B4GALT5: variants seen among roughly 807,000 people sequenced by gnomAD.
B4GALT5 encodes UDP-Gal:beta-GlcNAc beta-1,4-galactosyltransferase 5.
In B4GALT5, 11 loss-of-function variants were observed where a neutral mutation model predicts 45.0. The ratio of observed to expected loss-of-function variants is 0.24; its 90% CI spans 0.15 to 0.40. The LOEUF is 0.40. Among genes scored for constraint, B4GALT5 ranks in the 10% least tolerant of loss-of-function variants. The pLI, the probability that B4GALT5 is intolerant of heterozygous loss-of-function variation, is 1.00. For missense variants in B4GALT5, 337 were observed against 500.2 expected (o/e 0.67, Z 3.11); for synonymous variants, 185 against 182.9 (o/e 1.01, Z -0.09).
chr20:49,662,947 G>A (rs968986461), intron 1 of B4GALT5, among the ~76,000 whole-genome samples: 6 of 152,174 alleles, frequency 3.9e-5, no homozygotes, highest in Non-Finnish European at 8.8e-5. Flanking sequence ...GAAAACATTT[G>A]TTATAGTCCA....
intron 1 of B4GALT5, among the ~76,000 whole-genome samples, chr20:49,699,823 T>A (rs188666542): frequency 4.6e-5 from 7 of 152,280 alleles, no homozygotes; most frequent in Admixed American, 2.6e-4. Flanking sequence ...CCTGACAACG[T>A]AAATTGACAG....
rs2146367100 is a variant in B4GALT5, at chr20:49,713,670, C to T, written c.21G>A (p.Leu7=). MRARRG[L]LRLPRRSLLA... is the part of the protein sequence containing the mutation. ...GCAGCGAGCGGCGCGGCAGCCGCAGCAGCCCCCGGCGGGCGCGCATGCTGC... is the reference window on the plus strand; with the variant it reads ...GCAGCGAGCGGCGCGGCAGCCGCAGTAGCCCCCGGCGGGCGCGCATGCTGC... The change falls in exon 1 of 9, where the codon CTG becomes CTA. Residue 7 remains leucine, a synonymous_variant. Coordinates refer to ENST00000371711, the MANE Select transcript of B4GALT5 (RefSeq NM_004776.4). 5.2e-6 allele frequency: 8 copies of T among 1,529,872 alleles called. No individual in the cohort carries two copies. The highest frequency in any genetic ancestry group is 1.8e-4 in the Middle Eastern group (1 of 5,656). 94.8% of individuals were successfully genotyped at this position (1,529,872 alleles called of 1,614,324 possible).
At chr20:49,675,561 G>A (rs1420098486) in intron 1 of B4GALT5, among the ~76,000 whole-genome samples, 1 of 152,094 alleles carries the variant, frequency 6.6e-6, no homozygotes, top group Non-Finnish European at 1.5e-5. Context: ...GCTATCAGCA[G>A]GTACCTCTGC....
chr20:49,654,197 G>C (rs1332016237), intron 2 of B4GALT5, among the ~76,000 whole-genome samples: 2 of 152,210 alleles, frequency 1.3e-5, no homozygotes, highest in African/African-American at 4.8e-5. Flanking sequence ...CTAGAAGCAG[G>C]ATTTTGGCAG....
At chr20:49,696,756 C>G (rs2085841099) in intron 1 of B4GALT5, among the ~76,000 whole-genome samples, 2 of 152,132 alleles carry the variant, frequency 1.3e-5, no homozygotes, top group African/African-American at 4.8e-5. Context: ...CTTTTATCAA[C>G]CAAGTTGATT....
At chr20:49,699,587 T>C (rs1056555306) in intron 1 of B4GALT5, among the ~76,000 whole-genome samples, 1 of 152,148 alleles carries the variant, frequency 6.6e-6, no homozygotes, top group Non-Finnish European at 1.5e-5. Context: ...CTTTTTCCTA[T>C]ACACACATAC....
At chr20:49,694,276 T>C (rs894999393) in intron 1 of B4GALT5, among the ~76,000 whole-genome samples, 3 of 152,048 alleles carry the variant, frequency 2.0e-5, no homozygotes, top group African/African-American at 7.2e-5. Context: ...TACCACCGAT[T>C]TGCGCATCTA....
At chr20:49,711,075 T>C (rs1053086899) in intron 1 of B4GALT5, among the ~76,000 whole-genome samples, 7 of 75,420 alleles carry the variant, frequency 9.3e-5, no homozygotes, top group African/African-American at 3.4e-4. Context: ...AGACTCTCTA[T>C]CAAAAAAAAA....
intron 1 of B4GALT5, among the ~76,000 whole-genome samples, chr20:49,702,247 C>T (rs139234225): frequency 3.5e-4 from 54 of 152,166 alleles, no homozygotes; most frequent in Admixed American, 1.0e-3. Flanking sequence ...AACTTAAACA[C>T]GTTAGAGCAA....
rs112328843 is a variant in B4GALT5 at position 49,687,517 on chromosome 20, G to A, written c.115+26059C>T. ...AAATTAGCCGGGTGTGGTGGCAGGC[G>A]CGTGTAATCCCAGCTACTCGGGAGG... On this transcript the variant is annotated intron_variant, in intron 1 of 8. Transcript: ENST00000371711. 9.2e-3 allele frequency among the ~76,000 whole-genome samples: 1,406 copies of A among 152,140 alleles called. 23 individuals carry two copies. The highest frequency in any genetic ancestry group is 0.032 in the African/African-American group (1,345 of 41,502).
At chr20:49,697,585 T>C (rs2085844736) in intron 1 of B4GALT5, among the ~76,000 whole-genome samples, 1 of 152,010 alleles carries the variant, frequency 6.6e-6, no homozygotes, top group Non-Finnish European at 1.5e-5. Flanking sequence ...CTTTTTTTTT[T>C]TTTTTTAACA....
At chr20:49,676,564 T>C (rs554617504) in intron 1 of B4GALT5, among the ~76,000 whole-genome samples, 1 of 152,366 alleles carries the variant, frequency 6.6e-6, no homozygotes, top group African/African-American at 2.4e-5. Flanking sequence ...CCTTCACAAC[T>C]CAGCTCAGGA....
At chr20:49,685,410 C>T (rs12481695) in intron 1 of B4GALT5, among the ~76,000 whole-genome samples, 18 of 152,208 alleles carry the variant, frequency 1.2e-4, no homozygotes, top group Admixed American at 1.1e-3. Flanking sequence ...CAACAGAAAA[C>T]GAAAAACTCT....
In B4GALT5 at chr20:49,640,065, C is replaced by CCACAATCTATATTAACATGTTTCAT. The variant is rs1468052246; in HGVS notation, c.795-290_795-266dup. On this transcript the variant is annotated intron_variant, in intron 6 of 8. Coordinates refer to ENST00000371711, the MANE Select transcript of B4GALT5 (RefSeq NM_004776.4). Reference sequence around the variant, plus strand: ...TATTCACTGAATTGTGCAACCATGACCACAATCTATATTAACATGTTTCAT... The same window carrying CCACAATCTATATTAACATGTTTCAT: ...TATTCACTGAATTGTGCAACCATGACCACAATCTATATTAACATGTTTCATCACAATCTATATTAACATGTTTCAT... 3.9e-5 allele frequency among the ~76,000 whole-genome samples: 6 copies of CCACAATCTATATTAACATGTTTCAT among 152,258 alleles called. No individual in the cohort carries two copies. In the East Asian group the frequency reaches 1.2e-3, roughly 29 times the overall value.
rs757801698 is a variant in B4GALT5 at position 49,637,332 on chromosome 20, T to G, written c.1019+9A>C. On this transcript the variant is annotated intron_variant, in intron 8 of 8. Coordinates refer to ENST00000371711, the MANE Select transcript of B4GALT5 (RefSeq NM_004776.4). ...ATACTTCTAAGAGACAGAGATAAAT[T>G]CCACCAACCTTCCAAGAAACTGGAC... 7.5e-6 allele frequency: 12 copies of G among 1,607,672 alleles called. No homozygotes were observed. Among genetic ancestry groups the G allele is most frequent in the Non-Finnish European group, 1.0e-5 (12 of 1,174,242 alleles).
At chr20:49,702,264 C>A (rs1471348923) in intron 1 of B4GALT5, among the ~76,000 whole-genome samples, 2 of 151,824 alleles carry the variant, frequency 1.3e-5, no homozygotes, top group East Asian at 1.9e-4. Flanking sequence ...GCAAGAGAAA[C>A]AAACAAACAA....
At chr20:49,652,319 G>A (rs2085625859) in intron 2 of B4GALT5, among the ~76,000 whole-genome samples, 2 of 151,456 alleles carry the variant, frequency 1.3e-5, no homozygotes, top group Non-Finnish European at 2.9e-5. Flanking sequence ...ACCCCAGCAA[G>A]AATCACCACT....
intron 2 of B4GALT5, among the ~76,000 whole-genome samples, chr20:49,647,641 A>G (rs1287571251): frequency 6.6e-6 from 1 of 152,222 alleles, no homozygotes; most frequent in Admixed American, 6.5e-5. Context: ...GTTAAGTACT[A>G]GTCGTCGCTG....
chr20:49,694,923 C>T (rs1267559283), intron 1 of B4GALT5, among the ~76,000 whole-genome samples: 1 of 152,144 alleles, frequency 6.6e-6, no homozygotes, highest in Non-Finnish European at 1.5e-5. Context: ...GATGTTAGAA[C>T]TCTCAATGCC....
Sources: gnomAD v4.1 joint callset for allele counts (sites outside exome capture counted in the v4.1 genomes callset) on GRCh38, gnomAD v4.1.1 for gene constraint, MANE v1.5 for transcripts, NCBI Gene and HGNC (gene_info 2026-07-23, HGNC 2026-07-21) for gene names.